The following SNX4 variants were observed in gnomAD, a reference collection of about 807,000 sequenced individuals.
SNX4 encodes sorting nexin 4, also known as sorting nexin-4.
Under a neutral mutation model 70.8 loss-of-function variants are expected in SNX4, and 49 were observed. The ratio of observed to expected loss-of-function variants is 0.69; its 90% CI spans 0.55 to 0.88. SNX4 has a LOEUF of 0.88. SNX4 is among the 40% of genes least tolerant of loss of function. SNX4 has a pLI of 0.00. For synonymous variants in SNX4, 206 were observed against 183.8 expected (o/e 1.12, Z -0.98); for missense variants, 528 against 544.8 (o/e 0.97, Z 0.31).
At chr3:125,517,578 G>A (rs1457116415) in intron 1 of SNX4, among the ~76,000 whole-genome samples, 2 of 152,192 alleles carry the variant, frequency 1.3e-5, no homozygotes, top group Non-Finnish European at 2.9e-5. Context: ...GGAAGGGGAA[G>A]GAATGCACTG....
intron 8 of SNX4, among the ~76,000 whole-genome samples, chr3:125,475,512 C>T (rs1429881529): frequency 6.6e-6 from 1 of 152,108 alleles, no homozygotes; most frequent in Non-Finnish European, 1.5e-5. Flanking sequence ...TTATAGGAGC[C>T]CACCACCATG....
At chr3:125,506,935 T>C (rs1580008498) in intron 1 of SNX4, among the ~76,000 whole-genome samples, 1 of 148,190 alleles carries the variant, frequency 6.7e-6, no homozygotes, top group African/African-American at 2.5e-5. Flanking sequence ...GGCATGATGG[T>C]TCATGCCTGT....
chr3:125,492,226 C>T (rs564333044), intron 5 of SNX4, among the ~76,000 whole-genome samples: 4 of 152,176 alleles, frequency 2.6e-5, no homozygotes, highest in South Asian at 2.1e-4. Context: ...TTTATCTTCC[C>T]GCACACATTA....
At chr3:125,511,659 A>C (rs1049805493) in intron 1 of SNX4, among the ~76,000 whole-genome samples, 2 of 152,226 alleles carry the variant, frequency 1.3e-5, no homozygotes, top group Non-Finnish European at 2.9e-5. Context: ...AGAAAGTGAG[A>C]CCACAGGATA....
At chr3:125,500,975 AG>A (rs1934919549) in intron 2 of SNX4, among the ~76,000 whole-genome samples, 2 of 151,576 alleles carry the variant, frequency 1.3e-5, no homozygotes, top group African/African-American at 2.4e-5. Context: ...ACTTGTATCC[AG>A]AAGGTAGGTA....
chr3:125,464,696 C>T (rs866039027), intron 9 of SNX4, among the ~76,000 whole-genome samples: 4 of 151,046 alleles, frequency 2.6e-5, no homozygotes, highest in African/African-American at 7.3e-5. Context: ...TTCAGCCTCC[C>T]GAGTAGCTGG....
rs977329809 is a variant in SNX4, at chr3:125,520,101, G to C, written c.72C>G (p.Asp24Glu). The stretch of plus-strand genomic sequence containing the variant: ...TGCCGACCGCAGCCCCCAGCCCAGC[G>C]TCTGGGGAGCCCAGCGGCTCCAAGG... ...PAPLEPLGSP[D>E]AGLGAAVGKE... The change falls in exon 1 of 14, where the codon GAC (aspartate) becomes GAG (glutamate). Residue 24 changes from aspartate to glutamate, a missense_variant. Asp to Glu is a conservative substitution (Grantham distance 45). Coordinates refer to ENST00000251775, the MANE Select transcript of SNX4 (RefSeq NM_003794.4). The C allele has an allele frequency of 6.6e-7, 1 of 1,517,018 alleles. No individual in the cohort carries two copies. Among genetic ancestry groups the C allele is most frequent in the Non-Finnish European group, 8.8e-7 (1 of 1,136,596 alleles). 94.0% of individuals were successfully genotyped at this position (1,517,018 alleles called of 1,614,324 possible).
At chr3:125,488,058 C>T (rs1934569843) in intron 6 of SNX4, among the ~76,000 whole-genome samples, 1 of 149,450 alleles carries the variant, frequency 6.7e-6, no homozygotes, top group African/African-American at 2.5e-5. Context: ...GAGGCTGTGA[C>T]AGGTCAATGG....
chr3:125,465,543 C>A (rs563500887), intron 9 of SNX4, among the ~76,000 whole-genome samples: 33 of 152,256 alleles, frequency 2.2e-4, no homozygotes, highest in African/African-American at 7.0e-4. Flanking sequence ...TACACTGTGC[C>A]CGGCCTAGTA....
At chr3:125,453,674 C>A in intron 12 of SNX4, 136 bp downstream of exon 12, 1 of 768,972 alleles carries the variant, frequency 1.3e-6, no homozygotes. Context: ...CTTAGGAATG[C>A]ATTTTAAAGG....
At chr3:125,467,758 T>C (rs544614008) in intron 9 of SNX4, among the ~76,000 whole-genome samples, 2 of 152,216 alleles carry the variant, frequency 1.3e-5, no homozygotes, top group South Asian at 4.1e-4. Context: ...GCTGGCAAGG[T>C]TGCAGAGAAA....
intron 5 of SNX4, among the ~76,000 whole-genome samples, chr3:125,493,456 A>G (rs1438129665): frequency 1.3e-5 from 2 of 151,700 alleles, no homozygotes; most frequent in Non-Finnish European, 1.5e-5. Flanking sequence ...GATCAAGACC[A>G]TCCTGGCTAA....
intron 2 of SNX4, among the ~76,000 whole-genome samples, chr3:125,499,842 G>A (rs1470446098): frequency 2.0e-5 from 3 of 151,744 alleles, no homozygotes; most frequent in Non-Finnish European, 4.4e-5. Flanking sequence ...GTCAAGGTGG[G>A]TGGATCAGGA....
chr3:125,486,119 G>A (rs925906262), intron 6 of SNX4, among the ~76,000 whole-genome samples: 6 of 152,118 alleles, frequency 3.9e-5, no homozygotes, highest in Admixed American at 1.3e-4. Flanking sequence ...GATTACAGGC[G>A]TAAGCCACCG....
Position 125,480,318 on chromosome 3 carries a change from T to C in SNX4, c.655A>G (p.Arg219Gly). The stretch of plus-strand genomic sequence containing the variant: ...CTATAGTGCTTAAGGTCAGTAAATC[T>C]CCTGAAACAGGAAACAAATAAAACA... ...ATFRVKNPDK[R>G]FTDLKHYSDE... The change falls in exon 7 of 14, where the codon AGA (arginine) becomes GGA (glycine). Residue 219 changes from arginine (R) to glycine (G), a missense_variant and splice_region_variant. Arg to Gly is a moderately radical substitution (Grantham distance 125, BLOSUM62 -2). Around this residue, in one of 3 missense-constraint regions of SNX4, gnomAD observed 341 missense variants for 312.2 expected, o/e 1.09. Transcript: ENST00000251775. 6.6e-7 allele frequency: 1 copy of C among 1,505,478 alleles called. No individual in the cohort carries two copies. Among genetic ancestry groups the C allele is most frequent in the South Asian group, 1.3e-5 (1 of 74,094 alleles). The allele number at this position is 1,505,478 out of a possible 1,614,324, so 93.3% of individuals were successfully genotyped here. A position where few individuals can be genotyped will look rare whatever the true frequency, so the allele number is the denominator to read the frequency against.
In SNX4 at chr3:125,447,678, T is replaced by C. The variant is rs1136147; in HGVS notation, c.*101A>G. ...AGAAAGCTGAATTTATTTAACTTAT[T>C]GTATATGTTTATGTATACTAGGTAG... On this transcript the variant is annotated 3_prime_UTR_variant, in exon 14 of 14. Coordinates refer to ENST00000251775, the MANE Select transcript of SNX4 (RefSeq NM_003794.4). The C allele has an allele frequency of 8.4e-6, 6 of 715,418 alleles. No individual in the cohort carries two copies. The highest frequency in any genetic ancestry group is 1.9e-5 in the African/African-American group (1 of 53,532). The allele number at this position is 715,418 out of a possible 1,614,324, so 44.3% of individuals were successfully genotyped here.
chr3:125,517,114 TA>T (rs562508883), intron 1 of SNX4: 13 of 152,326 alleles, frequency 8.5e-5, no homozygotes, highest in African/African-American at 2.9e-4. Flanking sequence ...TTAACTACAC[TA>T]AAAACTTTAA....
Position 125,495,277 on chromosome 3 carries a change from T to TATATATACACAC in SNX4, c.597+2063_597+2064insGTGTGTATATAT. Among the ~76,000 whole-genome samples, 19 of 99,610 alleles carry TATATATACACAC rather than the reference T, an allele frequency of 1.9e-4. 1 individual carries two copies. The highest frequency in any genetic ancestry group is 1.8e-3 in the South Asian group (5 of 2,832). 65.3% of individuals were successfully genotyped at this position (99,610 alleles called of 152,430 possible). A position where few individuals can be genotyped will look rare whatever the true frequency, so the allele number is the denominator to read the frequency against. On this transcript the variant is annotated intron_variant, in intron 5 of 13. Transcript: ENST00000251775. ...ATATATATATATATATATATATATA[T>TATATATACACAC]ACACATACACACACACACACGTATG...
intron 5 of SNX4, 60 bp downstream of exon 5, chr3:125,497,281 G>A (rs1934816694): frequency 2.0e-6 from 2 of 1,016,468 alleles, no homozygotes; most frequent in East Asian, 5.0e-5. Context: ...CCCAATGAGT[G>A]CATGGCACCA....
Sources: allele counts gnomAD v4.1 joint callset (sites outside exome capture counted in the v4.1 genomes callset), GRCh38; gene constraint gnomAD v4.1.1; regional missense constraint gnomAD v4.1.1; transcripts MANE v1.5; gene names NCBI Gene and HGNC (gene_info 2026-07-23, HGNC 2026-07-21).